Variants in GLIS3 observed in about 807,000 individuals in gnomAD.
GLIS3 encodes GLIS family zinc finger 3.
GLIS3 carries 53 observed loss-of-function variants against 78.6 expected under a neutral mutation model. The observed-to-expected ratio is 0.67, with a 90% CI of 0.54 to 0.85. The LOEUF (loss-of-function observed/expected upper bound fraction) is 0.85. Ranked by LOEUF, GLIS3 falls within the 40% of genes least tolerant of loss-of-function variation. GLIS3 has a pLI of 0.00. For synonymous variants in GLIS3, 684 were observed against 509.9 expected (o/e 1.34, Z -4.60); for missense variants, 1,703 against 1,231.1 (o/e 1.38, Z -5.74).
At chr9:4,026,508 A>T (rs1185292660) in intron 4 of GLIS3, among the ~76,000 whole-genome samples, 1 of 152,164 alleles carries the variant, frequency 6.6e-6, no homozygotes, top group Non-Finnish European at 1.5e-5. Flanking sequence ...ATTTGAGATG[A>T]CCCAAAAAGG....
At chr9:4,101,094 A>G (rs1306669533) in intron 4 of GLIS3, among the ~76,000 whole-genome samples, 2 of 152,246 alleles carry the variant, frequency 1.3e-5, no homozygotes, top group Non-Finnish European at 2.9e-5. Flanking sequence ...CTGGCCAAGG[A>G]AACCAACAAC....
chr9:4,350,986 G>A, upstream of GLIS3, among the ~76,000 whole-genome samples: 1 of 152,160 alleles, frequency 6.6e-6, no homozygotes, highest in East Asian at 1.9e-4. Context: ...GTGTGTCTGT[G>A]TAGGTCACAC....
At chr9:3,884,237 T>C (rs981911543) in intron 7 of GLIS3, among the ~76,000 whole-genome samples, 2 of 152,170 alleles carry the variant, frequency 1.3e-5, no homozygotes, top group Admixed American at 6.5e-5. Flanking sequence ...AACATATTTA[T>C]TGTGTGGATG....
At chr9:4,040,903 G>A (rs1369363359) in intron 4 of GLIS3, among the ~76,000 whole-genome samples, 2 of 152,154 alleles carry the variant, frequency 1.3e-5, no homozygotes, top group East Asian at 1.9e-4. Flanking sequence ...CATCAGCACT[G>A]CTTGGAAACT....
At chr9:4,135,692 C>G (rs976758679) in intron 2 of GLIS3, among the ~76,000 whole-genome samples, 1 of 152,154 alleles carries the variant, frequency 6.6e-6, no homozygotes, top group African/African-American at 2.4e-5. Flanking sequence ...AGCCTTTCCT[C>G]TTTTCTCAAA....
chr9:3,869,439 G>C (rs1184063889), intron 8 of GLIS3, among the ~76,000 whole-genome samples: 1 of 152,210 alleles, frequency 6.6e-6, no homozygotes, highest in East Asian at 1.9e-4. Flanking sequence ...TCAGGCACTA[G>C]TATTCAAGAT....
intron 2 of GLIS3, among the ~76,000 whole-genome samples, chr9:4,277,948 CCT>C: frequency 6.6e-6 from 1 of 152,260 alleles, no homozygotes; most frequent in East Asian, 1.9e-4. Context: ...CCAACTGCAC[CCT>C]GTCCTGCCTG....
chr9:4,289,769 G>C (rs1050932610), intron 1 of GLIS3, among the ~76,000 whole-genome samples: 65 of 152,232 alleles, frequency 4.3e-4, no homozygotes, highest in African/African-American at 1.4e-3. Context: ...TACTACATTG[G>C]TTCCTACAAT....
chr9:3,943,136 A>G (rs1376096870), intron 4 of GLIS3, among the ~76,000 whole-genome samples: 1 of 152,222 alleles, frequency 6.6e-6, no homozygotes, highest in South Asian at 2.1e-4. Flanking sequence ...GGGTCACCTC[A>G]TGCCACTCTG....
chr9:4,359,458 A>G, the GLIS3 span, among the ~76,000 whole-genome samples: 1 of 152,098 alleles, frequency 6.6e-6, no homozygotes, highest in Non-Finnish European at 1.5e-5. Context: ...AAATCCTACA[A>G]TCTTTCAGCT....
chr9:3,877,500 A>G (rs1420864365), intron 8 of GLIS3, among the ~76,000 whole-genome samples: 2 of 152,190 alleles, frequency 1.3e-5, no homozygotes, highest in East Asian at 3.9e-4. Context: ...ATAATCACCT[A>G]AAGTTCAAAC....
At chr9:3,898,546 G>C in intron 7 of GLIS3, 145 bp downstream of exon 7, 1 of 843,610 alleles carries the variant, frequency 1.2e-6, no homozygotes, top group South Asian at 1.4e-5. Flanking sequence ...GGAATCAGAA[G>C]GGGTGGAGAG....
chr9:4,016,234 T>C (rs1490682104), intron 4 of GLIS3, among the ~76,000 whole-genome samples: 2 of 152,192 alleles, frequency 1.3e-5, no homozygotes, highest in Non-Finnish European at 2.9e-5. Context: ...CATAGCACTG[T>C]CATCTCATAA....
intron 2 of GLIS3, among the ~76,000 whole-genome samples, chr9:4,327,092 T>A (rs770561853): frequency 1.3e-5 from 2 of 151,814 alleles, no homozygotes; most frequent in Non-Finnish European, 2.9e-5. Flanking sequence ...GTTAAGGAGG[T>A]CAGATGAAAA....
At chr9:4,101,687 T>C (rs1830383633) in intron 4 of GLIS3, among the ~76,000 whole-genome samples, 1 of 152,186 alleles carries the variant, frequency 6.6e-6, no homozygotes, top group Non-Finnish European at 1.5e-5. Context: ...TCCAATTAGC[T>C]GGTTTCAAAA....
chr9:4,188,809 G>A (rs1239522961), intron 2 of GLIS3, among the ~76,000 whole-genome samples: 2 of 152,094 alleles, frequency 1.3e-5, no homozygotes, highest in African/African-American at 4.8e-5. Flanking sequence ...ATTCTCTGAT[G>A]GTAGTCTGTA....
At chr9:4,383,820 C>T in the GLIS3 span, among the ~76,000 whole-genome samples, 1 of 152,182 alleles carries the variant, frequency 6.6e-6, no homozygotes, top group African/African-American at 2.4e-5. Flanking sequence ...CAGAAGTTTA[C>T]ATTTTAATTA....
intron 4 of GLIS3, among the ~76,000 whole-genome samples, chr9:4,015,232 G>A (rs75769391): frequency 0.011 from 1,661 of 152,270 alleles, 38 homozygotes; most frequent in African/African-American, 0.038. Context: ...TGTGAGGAAG[G>A]GGGTGTTTGA....
chr9:4,366,058 C>T, the GLIS3 span, among the ~76,000 whole-genome samples: 2 of 152,116 alleles, frequency 1.3e-5, no homozygotes, highest in African/African-American at 2.4e-5. Flanking sequence ...TGGTGAACTT[C>T]GGACTGATTT....
Sources: gnomAD v4.1 joint callset for allele counts (sites outside exome capture counted in the v4.1 genomes callset) on GRCh38, gnomAD v4.1.1 for gene constraint, MANE v1.5 for transcripts, NCBI Gene and HGNC (gene_info 2026-07-23, HGNC 2026-07-21) for gene names.